The following SIPA1L2 variants were observed in gnomAD, a reference collection of about 807,000 sequenced individuals.
SIPA1L2 encodes the protein signal-induced proliferation-associated 1-like protein 2.
In SIPA1L2, 56 loss-of-function variants were observed where a neutral mutation model predicts 163.9. The ratio of observed to expected loss-of-function variants is 0.34; its 90% CI spans 0.28 to 0.43. SIPA1L2 has a LOEUF of 0.43. Ranked by LOEUF, SIPA1L2 falls within the 20% of genes least tolerant of loss-of-function variation. The probability of loss-of-function intolerance (pLI) is 1.00; values close to 1 mark genes in which losing one functional copy is unlikely to be tolerated. For synonymous variants in SIPA1L2, 877 were observed against 865.7 expected (o/e 1.01, Z -0.23); for missense variants, 1,974 against 2,193.5 (o/e 0.90, Z 2.00).
intron 2 of SIPA1L2, among the ~76,000 whole-genome samples, chr1:232,528,102 A>ATATATATATATATATATATCTC (rs34779799): frequency 8.4e-6 from 1 of 118,498 alleles, no homozygotes; most frequent in Admixed American, 8.7e-5. Context: ...ATATATATAT[A>ATATATATATATATATATATCTC]ATCAACTTTC....
intron 3 of SIPA1L2, among the ~76,000 whole-genome samples, chr1:232,505,630 A>C (rs1159772571): frequency 6.6e-6 from 1 of 152,148 alleles, no homozygotes. Flanking sequence ...GCACCTCTGC[A>C]AGAGAGAAAG....
At chr1:232,593,397 T>C (rs1445511333) in intron 1 of SIPA1L2, among the ~76,000 whole-genome samples, 1 of 152,208 alleles carries the variant, frequency 6.6e-6, no homozygotes, top group Non-Finnish European at 1.5e-5. Flanking sequence ...GCTTCTGCAC[T>C]GACACCTTTT....
At chr1:232,448,915 G>A (rs1248053293) in intron 10 of SIPA1L2, among the ~76,000 whole-genome samples, 2 of 152,140 alleles carry the variant, frequency 1.3e-5, no homozygotes, top group Non-Finnish European at 2.9e-5. Context: ...AGAGTCAAGG[G>A]CGTGAGGTGC....
At chr1:232,408,700 C>G (rs756062859) in intron 19 of SIPA1L2, among the ~76,000 whole-genome samples, 11 of 152,018 alleles carry the variant, frequency 7.2e-5, no homozygotes, top group Non-Finnish European at 1.3e-4. Context: ...ATTCCTTGAC[C>G]ATTTGTTTAC....
At chr1:232,605,177 T>G (rs1216342192) in intron 1 of SIPA1L2, among the ~76,000 whole-genome samples, 1 of 152,114 alleles carries the variant, frequency 6.6e-6, no homozygotes, top group Non-Finnish European at 1.5e-5. Context: ...CACACCCAGC[T>G]AATTTTTGTA....
intron 18 of SIPA1L2, among the ~76,000 whole-genome samples, chr1:232,419,486 T>C (rs1316108818): frequency 6.6e-6 from 1 of 152,108 alleles, no homozygotes; most frequent in Non-Finnish European, 1.5e-5. Context: ...GGTGTTTGAG[T>C]CATGGGTGGA....
chr1:232,629,443 G>A (rs1027536846), intron 1 of SIPA1L2, among the ~76,000 whole-genome samples: 2 of 152,216 alleles, frequency 1.3e-5, no homozygotes, highest in African/African-American at 2.4e-5. Context: ...CTCTAGAAGG[G>A]GAATTAGCCC....
At chr1:232,540,559 G>A (rs1657592768) in intron 2 of SIPA1L2, among the ~76,000 whole-genome samples, 1 of 152,112 alleles carries the variant, frequency 6.6e-6, no homozygotes, top group African/African-American at 2.4e-5. Context: ...GAAAATAAGA[G>A]AGCAAAGGCC....
intron 7 of SIPA1L2, among the ~76,000 whole-genome samples, chr1:232,474,293 TAC>T (rs1395608922): frequency 6.6e-6 from 1 of 152,236 alleles, no homozygotes; most frequent in African/African-American, 2.4e-5. Context: ...TAGATAGATT[TAC>T]ATAGTCATTT....
intron 2 of SIPA1L2, among the ~76,000 whole-genome samples, chr1:232,531,533 C>T (rs1258979307): frequency 1.3e-5 from 2 of 152,200 alleles, no homozygotes; most frequent in Non-Finnish European, 2.9e-5. Flanking sequence ...CTACTACCTT[C>T]CAGGTACTAG....
chr1:232,421,399 G>A (rs1459761358), intron 18 of SIPA1L2, among the ~76,000 whole-genome samples: 1 of 151,542 alleles, frequency 6.6e-6, no homozygotes, highest in African/African-American at 2.4e-5. Flanking sequence ...TACTGAGTCT[G>A]AGTTTATTGC....
intron 3 of SIPA1L2, among the ~76,000 whole-genome samples, chr1:232,508,852 G>A (rs959736433): frequency 2.6e-5 from 4 of 152,238 alleles, no homozygotes; most frequent in African/African-American, 9.6e-5. Flanking sequence ...AGCACTCTGG[G>A]AGGCTGAGGT....
At chr1:232,436,794 G>A (rs192890600) in intron 15 of SIPA1L2, among the ~76,000 whole-genome samples, 2 of 152,162 alleles carry the variant, frequency 1.3e-5, no homozygotes, top group Non-Finnish European at 2.9e-5. Context: ...TGCAGCTCGG[G>A]GGGCACGCAA....
At chr1:232,552,532 G>C (rs941020650) in intron 2 of SIPA1L2, among the ~76,000 whole-genome samples, 9 of 151,792 alleles carry the variant, frequency 5.9e-5, no homozygotes, top group African/African-American at 2.2e-4. Context: ...CATCACATCG[G>C]GTTAATTTTG....
chr1:232,605,538 T>C (rs1661865551), intron 1 of SIPA1L2, among the ~76,000 whole-genome samples: 1 of 152,022 alleles, frequency 6.6e-6, no homozygotes, highest in Non-Finnish European at 1.5e-5. Flanking sequence ...CTACTAAAAA[T>C]ACAAAATTAG....
intron 2 of SIPA1L2, among the ~76,000 whole-genome samples, chr1:232,547,309 G>C (rs1357185406): frequency 6.6e-6 from 1 of 151,784 alleles, no homozygotes; most frequent in Admixed American, 6.6e-5. Context: ...GGTATATACG[G>C]GTCTTTCCCC....
At chr1:232,464,530 T>C (rs1331215740) in intron 9 of SIPA1L2, among the ~76,000 whole-genome samples, 1 of 152,204 alleles carries the variant, frequency 6.6e-6, no homozygotes, top group African/African-American at 2.4e-5. Context: ...TCAGCCTCCA[T>C]AAACAGACAT....
In SIPA1L2 at chr1:232,399,233, T is replaced by G; in HGVS notation, c.5063A>C (p.His1688Pro). The G allele has an allele frequency of 1.2e-6, 2 of 1,613,790 alleles. No homozygotes were observed. Among genetic ancestry groups the G allele is most frequent in the Non-Finnish European group, 1.7e-6 (2 of 1,179,970 alleles). ...CAGTCTCATGTTGTCCTGTCTCAGGTGCTGCACTTCTGCTTGGAGAACGGC... is the reference window on the plus strand; with the variant it reads ...CAGTCTCATGTTGTCCTGTCTCAGGGGCTGCACTTCTGCTTGGAGAACGGC... Reference protein sequence around the residue: ...DKAVLQAEVQHLRQDNMRLQE... With the variant: ...DKAVLQAEVQPLRQDNMRLQE... The change falls in exon 23 of 23, where the codon CAC (histidine) becomes CCC (proline). Residue 1688 changes from histidine to proline, a missense_variant. Physicochemically the swap from His to Pro is moderately conservative, Grantham distance 77. This residue lies in a region of SIPA1L2 where 1,079 missense variants were observed against 1,150.7 expected (regional missense o/e 0.94). Transcript: ENST00000674635.
intron 10 of SIPA1L2, among the ~76,000 whole-genome samples, chr1:232,456,066 C>T (rs1052752231): frequency 2.0e-5 from 3 of 151,926 alleles, no homozygotes; most frequent in Admixed American, 6.6e-5. Flanking sequence ...AATTTACCCA[C>T]GTAACACACC....
Sources: allele counts gnomAD v4.1 joint callset (sites outside exome capture counted in the v4.1 genomes callset), GRCh38; gene constraint gnomAD v4.1.1; regional missense constraint gnomAD v4.1.1; transcripts MANE v1.5; gene names NCBI Gene and HGNC (gene_info 2026-07-23, HGNC 2026-07-21).